Variants in DIP2C observed in about 807,000 individuals in gnomAD.
DIP2C encodes the protein disco-interacting protein 2 homolog C.
A neutral mutation model predicts 192.4 loss-of-function variants in DIP2C; 33 were observed. That is an observed-to-expected ratio of 0.17 (90% CI 0.13 to 0.23). The LOEUF (loss-of-function observed/expected upper bound fraction) is 0.23. DIP2C is among the 10% of genes least tolerant of loss of function. The probability of loss-of-function intolerance (pLI) is 1.00; values close to 1 mark genes in which losing one functional copy is unlikely to be tolerated. For synonymous variants in DIP2C, 979 were observed against 864.1 expected, an observed-to-expected ratio of 1.13 and a Z score of -2.33; for missense variants, 1,537 against 2,110.1, an observed-to-expected ratio of 0.73 and a Z score of 5.32.
chr10:332,379 G>T (rs1057311196), intron 29 of DIP2C, among the ~76,000 whole-genome samples: 4 of 152,172 alleles, frequency 2.6e-5, no homozygotes, highest in African/African-American at 9.7e-5. Context: ...ACTAAATATA[G>T]TTTCACCTCC....
chr10:442,224 C>A (rs1178121177), intron 3 of DIP2C, among the ~76,000 whole-genome samples: 1 of 152,138 alleles, frequency 6.6e-6, no homozygotes, highest in East Asian at 1.9e-4. Context: ...AATGATCCCA[C>A]TGAAAGGGAA....
chr10:544,519 C>T (rs1344478258), intron 1 of DIP2C, among the ~76,000 whole-genome samples: 1 of 152,162 alleles, frequency 6.6e-6, no homozygotes, highest in African/African-American at 2.4e-5. Flanking sequence ...CAGACTTTTC[C>T]AAAGCAACTG....
intron 1 of DIP2C, among the ~76,000 whole-genome samples, chr10:656,139 A>AAGTTACACTGTTTCTTCTATTCTGTTACC (rs1299383306): frequency 6.7e-6 from 1 of 148,978 alleles, no homozygotes; most frequent in Non-Finnish European, 1.5e-5. Flanking sequence ...TGTACACTAT[A>AAGTTACACTGTTTCTTCTATTCTGTTACC]CTATAAGTTA....
At chr10:551,252 C>A (rs1374974367) in intron 1 of DIP2C, among the ~76,000 whole-genome samples, 1 of 152,202 alleles carries the variant, frequency 6.6e-6, no homozygotes, top group East Asian at 1.9e-4. Context: ...ACGTACCATG[C>A]CCCCTCCTCC....
intron 1 of DIP2C, among the ~76,000 whole-genome samples, chr10:582,367 T>C (rs1419433121): frequency 6.6e-6 from 1 of 152,084 alleles, no homozygotes; most frequent in African/African-American, 2.4e-5. Flanking sequence ...ACCGTACACT[T>C]AACATAAAAC....
intron 1 of DIP2C, among the ~76,000 whole-genome samples, chr10:549,468 C>T (rs909023156): frequency 1.3e-5 from 2 of 152,156 alleles, no homozygotes; most frequent in African/African-American, 4.8e-5. Context: ...AGAAGGAAGA[C>T]GAGACCAATG....
chr10:303,293 GTCA>G (rs1365059555), intron 32 of DIP2C, among the ~76,000 whole-genome samples: 1 of 151,442 alleles, frequency 6.6e-6, no homozygotes, highest in Admixed American at 6.6e-5. Flanking sequence ...TGTGAGCTAA[GTCA>G]TCACCGCACG....
chr10:424,295 A>G (rs566021962), intron 4 of DIP2C, among the ~76,000 whole-genome samples: 146 of 151,468 alleles, frequency 9.6e-4, no homozygotes, highest in Middle Eastern at 6.9e-3. Flanking sequence ...AATTTTTTTA[A>G]AAGTTTACTT....
chr10:629,075 C>G (rs1208637726), intron 1 of DIP2C, among the ~76,000 whole-genome samples: 1 of 152,096 alleles, frequency 6.6e-6, no homozygotes, highest in East Asian at 1.9e-4. Flanking sequence ...AAGGGGCTGC[C>G]GAGGCCAGTG....
intron 32 of DIP2C, among the ~76,000 whole-genome samples, chr10:290,579 C>T (rs1955440643): frequency 6.6e-6 from 1 of 152,226 alleles, no homozygotes; most frequent in Non-Finnish European, 1.5e-5. Flanking sequence ...GTGCCCTGAT[C>T]TGAGCGGCCA....
chr10:593,830 C>T (rs1851544980), intron 1 of DIP2C, among the ~76,000 whole-genome samples: 1 of 152,180 alleles, frequency 6.6e-6, no homozygotes, highest in African/African-American at 2.4e-5. Flanking sequence ...TTGTCTCACT[C>T]ACCTTCAAAT....
chr10:330,707 G>C (rs1957467437), intron 29 of DIP2C, among the ~76,000 whole-genome samples: 1 of 151,502 alleles, frequency 6.6e-6, no homozygotes, highest in African/African-American at 2.4e-5. Context: ...TTGAACTTCG[G>C]GGCTCAAGCA....
intron 17 of DIP2C, among the ~76,000 whole-genome samples, chr10:378,640 C>T (rs1961950215): frequency 7.6e-6 from 1 of 132,068 alleles, no homozygotes; most frequent in Non-Finnish European, 1.7e-5. Flanking sequence ...CACAGACATG[C>T]ATAAAGACAC....
intron 1 of DIP2C, among the ~76,000 whole-genome samples, chr10:612,683 C>G (rs1014387349): frequency 2.0e-5 from 3 of 152,180 alleles, no homozygotes; most frequent in Non-Finnish European, 4.4e-5. Flanking sequence ...TGGCATCTTT[C>G]ACAGCCGTTT....
At position 387,556 on chromosome 10, in the gene DIP2C, A is replaced by C. The variant is rs1282216197; in HGVS notation, c.1662+189T>G. 2.6e-4 allele frequency among the ~76,000 whole-genome samples: 7 copies of C among 26,604 alleles called. No individual in the cohort carries two copies. In the Admixed American group the frequency reaches 3.2e-3, roughly 12 times the overall value. 17.5% of individuals were successfully genotyped at this position (26,604 alleles called of 152,430 possible). ...GGAGGGGACTCCTGTGTGGACAGGC[A>C]GGGCGGGGTGGGGGGCGACTCCTGT... On this transcript the variant is annotated intron_variant, in intron 14 of 36. Transcript: ENST00000280886.
intron 24 of DIP2C, among the ~76,000 whole-genome samples, chr10:354,864 G>C (rs950478455): frequency 6.6e-6 from 1 of 151,894 alleles, no homozygotes; most frequent in African/African-American, 2.4e-5. Context: ...AGAGGAACGA[G>C]AAGTCACAGG....
At chr10:459,007 AAAG>A (rs1214807124) in intron 3 of DIP2C, among the ~76,000 whole-genome samples, 3 of 152,154 alleles carry the variant, frequency 2.0e-5, no homozygotes, top group African/African-American at 7.2e-5. Context: ...AAAAAAAAAA[AAAG>A]CTTTAAAAAT....
intron 24 of DIP2C, among the ~76,000 whole-genome samples, chr10:354,985 G>A (rs945411553): frequency 3.9e-5 from 6 of 151,972 alleles, no homozygotes; most frequent in Non-Finnish European, 8.8e-5. Context: ...GGTTAGCAAA[G>A]GGGGTATCAT....
intron 1 of DIP2C, among the ~76,000 whole-genome samples, chr10:595,389 AAT>A (rs1417251113): frequency 2.6e-5 from 4 of 152,216 alleles, no homozygotes; most frequent in Non-Finnish European, 4.4e-5. Context: ...GGTTCAACTG[AAT>A]AAAATATGAC....
Sources: allele counts gnomAD v4.1 joint callset (sites outside exome capture counted in the v4.1 genomes callset), GRCh38; gene constraint gnomAD v4.1.1; transcripts MANE v1.5; gene names NCBI Gene and HGNC (gene_info 2026-07-23, HGNC 2026-07-21).